AGPAT2: variants seen among roughly 807,000 people sequenced by gnomAD.
The protein encoded by AGPAT2 is 1-acylglycerol-3-phosphate O-acyltransferase 2, also known as 1-acyl-sn-glycerol-3-phosphate acyltransferase beta.
A neutral mutation model predicts 26.1 loss-of-function variants in AGPAT2; 18 were observed. The ratio of observed to expected loss-of-function variants is 0.69; its 90% CI spans 0.48 to 1.02. AGPAT2 has a LOEUF of 1.02. Among genes scored for constraint, AGPAT2 ranks in the 50% least tolerant of loss-of-function variants. The pLI is 0.00. For synonymous variants in AGPAT2, 200 were observed against 174.2 expected (o/e 1.15, Z -1.16); for missense variants, 415 against 394.9 (o/e 1.05, Z -0.43).
At chr9:136,682,722 T>G (rs1009576382) in intron 1 of AGPAT2, among the ~76,000 whole-genome samples, 1 of 152,142 alleles carries the variant, frequency 6.6e-6, no homozygotes, top group African/African-American at 2.4e-5. Context: ...AAAGCCCAGG[T>G]GCTGCCTCAG....
intron 1 of AGPAT2, among the ~76,000 whole-genome samples, chr9:136,680,625 T>C (rs1846147377): frequency 6.6e-6 from 1 of 152,192 alleles, no homozygotes; most frequent in African/African-American, 2.4e-5. Flanking sequence ...GTAATATCTT[T>C]GCAACTTCTC....
At chr9:136,678,344 G>A (rs1361063589) in intron 1 of AGPAT2, among the ~76,000 whole-genome samples, 2 of 152,190 alleles carry the variant, frequency 1.3e-5, no homozygotes, top group Non-Finnish European at 2.9e-5. Context: ...GTCATGGTTG[G>A]GACCAGGGAT....
chr9:136,680,509 G>A (rs1846146022), intron 1 of AGPAT2, among the ~76,000 whole-genome samples: 2 of 151,948 alleles, frequency 1.3e-5, no homozygotes, highest in South Asian at 4.2e-4. Flanking sequence ...TTACAGGTGT[G>A]AGCCACCGCG....
At chr9:136,685,755 C>A (rs1217133338) in intron 1 of AGPAT2, among the ~76,000 whole-genome samples, 1 of 152,016 alleles carries the variant, frequency 6.6e-6, no homozygotes, top group African/African-American at 2.4e-5. Context: ...CGCCCCTACT[C>A]TGAAGCACCC....
intron 1 of AGPAT2, among the ~76,000 whole-genome samples, chr9:136,685,365 AG>A (rs1323934566): frequency 6.6e-6 from 1 of 152,238 alleles, no homozygotes; most frequent in Non-Finnish European, 1.5e-5. Context: ...CAGCAGGGCC[AG>A]TGCCAGCCAA....
rs145964203 is a variant in AGPAT2 at position 136,677,021 on chromosome 9, C to T, written c.432G>A (p.Gln144=). ...TCACTGTCATGGCAGTGCTAGAGCG[C>T]TGCCGGTTGATGAAGAAGACGCCCC... The part of the protein sequence containing the change: ...YLGGVFFINR[Q]RSSTAMTVMA... The change falls in exon 3 of 6, where the codon CAG becomes CAA. Residue 144 remains glutamine (Q), a synonymous_variant. Coordinates refer to ENST00000371696, the MANE Select transcript of AGPAT2 (RefSeq NM_006412.4). The T allele has an allele frequency of 1.8e-4, 298 of 1,612,892 alleles. No individual in the cohort carries two copies. The highest frequency in any genetic ancestry group is 2.4e-4 in the Non-Finnish European group (288 of 1,179,902).
In AGPAT2 at chr9:136,681,341, G is replaced by A. The variant is rs141073042; in HGVS notation, c.183-3785C>T. 1.2e-4 allele frequency among the ~76,000 whole-genome samples: 18 copies of A among 152,286 alleles called. No individual in the cohort carries two copies. The East Asian group carries it at 3.3e-3, about 28-fold the overall frequency. On this transcript the variant is annotated intron_variant, in intron 1 of 5. Transcript: ENST00000371696. ...GAACTCTGCAGCCCACAGTGTGGCT[G>A]GGGGAGAAAGGTATACCCTGGGGGT...
At chr9:136,674,842 TG>T in intron 4 of AGPAT2, 35 bp from the exon 5 acceptor site, 2 of 1,496,002 alleles carry the variant, frequency 1.3e-6, no homozygotes, top group Admixed American at 2.1e-5. Context: ...GAGGCAGCCC[TG>T]GGGACAGGCC....
chr9:136,686,782 G>A (rs7869340), intron 1 of AGPAT2, among the ~76,000 whole-genome samples: 2 of 152,182 alleles, frequency 1.3e-5, no homozygotes, highest in Non-Finnish European at 2.9e-5. Flanking sequence ...GCAAGTCCCC[G>A]CCGCCCCGGC....
chr9:136,683,323 C>A (rs1022063187), intron 1 of AGPAT2, among the ~76,000 whole-genome samples: 1 of 152,228 alleles, frequency 6.6e-6, no homozygotes, highest in Admixed American at 6.5e-5. Flanking sequence ...GGAGGCGGTT[C>A]TAGGTCAGGG....
At chr9:136,676,302 C>T (rs1017645679) in intron 4 of AGPAT2, among the ~76,000 whole-genome samples, 1 of 152,330 alleles carries the variant, frequency 6.6e-6, no homozygotes, top group Admixed American at 6.5e-5. Context: ...CGGCTCCCCA[C>T]CCCTCTACCT....
chr9:136,687,127 G>T (rs1846231862), intron 1 of AGPAT2, 49 bp downstream of exon 1: 1 of 1,543,558 alleles, frequency 6.5e-7, no homozygotes, highest in Admixed American at 1.9e-5. Flanking sequence ...TAGGGAAGCG[G>T]AAGCGGCGCG....
At chr9:136,679,349 G>A (rs1456963963) in intron 1 of AGPAT2, among the ~76,000 whole-genome samples, 3 of 152,200 alleles carry the variant, frequency 2.0e-5, no homozygotes. Context: ...GGGAAACTGA[G>A]TCAAGGGGGG....
At chr9:136,685,323 C>G (rs1846208803) in intron 1 of AGPAT2, among the ~76,000 whole-genome samples, 1 of 152,232 alleles carries the variant, frequency 6.6e-6, no homozygotes. Flanking sequence ...GCCAGAATCT[C>G]CAAGCTGAGA....
At chr9:136,683,843 G>A (rs376881519) in intron 1 of AGPAT2, among the ~76,000 whole-genome samples, 64 of 152,314 alleles carry the variant, frequency 4.2e-4, no homozygotes, top group African/African-American at 1.3e-3. Flanking sequence ...CAGGGCCCCC[G>A]ATGGCATCTG....
chr9:136,680,003 A>C (rs1357894658), intron 1 of AGPAT2, among the ~76,000 whole-genome samples: 1 of 152,226 alleles, frequency 6.6e-6, no homozygotes, highest in East Asian at 1.9e-4. Flanking sequence ...AGCCACCAGT[A>C]GAAAGAGGGA....
Position 136,687,379 on chromosome 9 carries a change from G to C in AGPAT2, c.-22C>G. The stretch of plus-strand genomic sequence containing the variant: ...CCATGGCCCGGCCCGGCGCCCGACG[G>C]CGCCGCCAGCTCGCTCCCGCTCCCG... On this transcript the variant is annotated 5_prime_UTR_variant, in exon 1 of 6. Coordinates refer to ENST00000371696, the MANE Select transcript of AGPAT2 (RefSeq NM_006412.4). 1 of 1,439,546 alleles carries C rather than the reference G, an allele frequency of 6.9e-7. No homozygotes were observed. The allele number at this position is 1,439,546 out of a possible 1,614,324, so 89.2% of individuals were successfully genotyped here. A position where few individuals can be genotyped will look rare whatever the true frequency, so the allele number is the denominator to read the frequency against.
chr9:136,687,321 A>G lies in AGPAT2; in HGVS notation c.37T>C (p.Leu13=), dbSNP rs756247321. Reference sequence around the variant, plus strand: ...CTCAGCTGCACCAGCAGCAGCAGCAACAGCAGCGCCGCGGCCAGACACGGC... The same window carrying G: ...CTCAGCTGCACCAGCAGCAGCAGCAGCAGCAGCGCCGCGGCCAGACACGGC... ...LWPCLAAALL[L]LLLLVQLSRA... The change falls in exon 1 of 6, where the codon TTG becomes CTG. Residue 13 remains leucine (L), a synonymous_variant. Transcript: ENST00000371696. 6.5e-7 allele frequency: 1 copy of G among 1,541,534 alleles called. No individual in the cohort carries two copies. The highest frequency in any genetic ancestry group is 8.7e-7 in the Non-Finnish European group (1 of 1,143,156).
In AGPAT2 at chr9:136,687,416, C is replaced by T; in HGVS notation, c.-59G>A. Reference sequence around the variant, plus strand: ...CGCTCCCGCTCCCGCTCCCGCTTCTCCCCCGCGCGCTCAGGCCCCTTATTG... The same window carrying T: ...CGCTCCCGCTCCCGCTCCCGCTTCTTCCCCGCGCGCTCAGGCCCCTTATTG... On this transcript the variant is annotated 5_prime_UTR_variant, in exon 1 of 6. Transcript: ENST00000371696. The T allele has an allele frequency of 2.2e-6, 3 of 1,354,158 alleles. No individual in the cohort carries two copies. The highest frequency in any genetic ancestry group is 3.1e-5 in the East Asian group (1 of 32,192). The allele number at this position is 1,354,158 out of a possible 1,614,324, so 83.9% of individuals were successfully genotyped here.
Sources: allele counts gnomAD v4.1 joint callset (sites outside exome capture counted in the v4.1 genomes callset), GRCh38; gene constraint gnomAD v4.1.1; transcripts MANE v1.5; gene names NCBI Gene and HGNC (gene_info 2026-07-23, HGNC 2026-07-21).